FIG4: variants seen among roughly 807,000 people sequenced by gnomAD.
The protein encoded by FIG4 is polyphosphoinositide phosphatase.
Under a neutral mutation model 118.6 loss-of-function variants are expected in FIG4, and 112 were observed. That is an observed-to-expected ratio of 0.94 (90% CI 0.81 to 1.11). The LOEUF (loss-of-function observed/expected upper bound fraction) is 1.11. Among genes scored for constraint, FIG4 ranks in the 50% least tolerant of loss-of-function variants. The pLI, the probability that FIG4 is intolerant of heterozygous loss-of-function variation, is 0.00. For missense variants in FIG4, 969 were observed against 1,111.7 expected, an observed-to-expected ratio of 0.87 and a Z score of 1.83; for synonymous variants, 369 against 381.2, an observed-to-expected ratio of 0.97 and a Z score of 0.37.
intron 22 of FIG4, among the ~76,000 whole-genome samples, chr6:109,815,217 C>T (rs990560152): frequency 4.6e-5 from 7 of 152,014 alleles, no homozygotes; most frequent in African/African-American, 1.7e-4. Context: ...ACTGCATCCA[C>T]CCCTTCCCAG....
intron 1 of FIG4, among the ~76,000 whole-genome samples, chr6:109,696,343 A>G (rs1279670873): frequency 6.6e-6 from 1 of 152,230 alleles, no homozygotes; most frequent in East Asian, 1.9e-4. Context: ...TGAAATCCAT[A>G]GCTTTTTTAT....
chr6:109,798,944 A>G (rs992487479), intron 22 of FIG4, among the ~76,000 whole-genome samples: 7 of 152,184 alleles, frequency 4.6e-5, no homozygotes, highest in Admixed American at 2.6e-4. Context: ...GAAGGAAACT[A>G]TTTAAATGTG....
At chr6:109,694,262 C>T (rs1774639614) in intron 1 of FIG4, among the ~76,000 whole-genome samples, 1 of 152,158 alleles carries the variant, frequency 6.6e-6, no homozygotes, top group East Asian at 1.9e-4. Context: ...ATATAAATAA[C>T]TCCCACAAGC....
intron 17 of FIG4, chr6:109,785,862 A>C (rs1367630854): frequency 2.8e-6 from 1 of 358,858 alleles, no homozygotes. Context: ...ATCATTACTC[A>C]TATTGCTGAA....
chr6:109,749,055 C>CTGTG (rs113357544), intron 10 of FIG4, among the ~76,000 whole-genome samples: 12,313 of 132,324 alleles, frequency 0.093, 631 homozygotes, highest in South Asian at 0.16. Flanking sequence ...CAAAGGAGCT[C>CTGTG]TGTGTGTGTG....
intron 22 of FIG4, among the ~76,000 whole-genome samples, chr6:109,817,994 T>C (rs1156990587): frequency 1.3e-5 from 2 of 152,216 alleles, no homozygotes; most frequent in Admixed American, 6.5e-5. Flanking sequence ...CTTCCACAAA[T>C]GACTCCCAAA....
Position 109,735,298 on chromosome 6 carries a change from G to T in FIG4, c.646G>T (p.Gly216Trp). 6.2e-7 allele frequency: 1 copy of T among 1,612,566 alleles called. No individual in the cohort carries two copies. The highest frequency in any genetic ancestry group is 8.5e-7 in the Non-Finnish European group (1 of 1,178,870). ...DEGLITQGGS[G>W]VFGICSEPYM... is the part of the protein sequence containing the mutation. ...AGGATTAATTACACAAGGTGGAAGC[G>T]GTAGGTGGTCTTGATATATCTAATG... Residue 216 changes from glycine to tryptophan, a missense_variant and splice_region_variant, in exon 6 of 23, where the codon GGG (glycine) becomes TGG (tryptophan). Gly to Trp is a radical substitution (Grantham distance 184). Around this residue, in one of 3 missense-constraint regions of FIG4, gnomAD observed 393 missense variants for 409.4 expected, o/e 0.96. Transcript: ENST00000230124.
chr6:109,822,903 AGT>A (rs1182426146), intron 22 of FIG4, among the ~76,000 whole-genome samples: 2 of 149,074 alleles, frequency 1.3e-5, no homozygotes, highest in Non-Finnish European at 3.0e-5. Context: ...ATATATATAT[AGT>A]GTGTGTGTAT....
At position 109,755,729 on chromosome 6, in the gene FIG4, A is replaced by G. The variant is rs535830138; in HGVS notation, c.1138-4521A>G. On this transcript the variant is annotated intron_variant, in intron 10 of 22. Coordinates refer to ENST00000230124, the MANE Select transcript of FIG4 (RefSeq NM_014845.6). ...CTCTTTTGATCTTTGTTGGTTTCAA[A>G]TCTGTTTTATCAGAGACTAGGATTG... 4.2e-3 allele frequency among the ~76,000 whole-genome samples: 636 copies of G among 152,162 alleles called. 2 individuals carry two copies. The highest frequency in any genetic ancestry group is 6.2e-3 in the Non-Finnish European group (421 of 67,980).
At chr6:109,806,805 GT>G (rs556689837) in intron 22 of FIG4, among the ~76,000 whole-genome samples, 1 of 151,904 alleles carries the variant, frequency 6.6e-6, no homozygotes, top group Non-Finnish European at 1.5e-5. Flanking sequence ...CCCTCCCTGT[GT>G]CCATGTGTTC....
intron 1 of FIG4, among the ~76,000 whole-genome samples, chr6:109,710,753 A>G (rs1469161085): frequency 2.0e-5 from 3 of 152,184 alleles, no homozygotes; most frequent in Non-Finnish European, 4.4e-5. Context: ...TAGATTTTCT[A>G]GTGTATGTGA....
chr6:109,756,583 C>T (rs373898737), intron 10 of FIG4, among the ~76,000 whole-genome samples: 15 of 152,258 alleles, frequency 9.9e-5, no homozygotes, highest in East Asian at 7.7e-4. Flanking sequence ...CCAATCAGAG[C>T]AGATTTGGTC....
intron 15 of FIG4, among the ~76,000 whole-genome samples, chr6:109,769,144 A>C (rs9374120): frequency 0.8 from 119,530 of 149,966 alleles, 47,828 homozygotes; most frequent in African/African-American, 0.89. Context: ...CGCTCTGTCT[A>C]CAGGCTGGAG....
chr6:109,695,601 G>C (rs72941176), intron 1 of FIG4, among the ~76,000 whole-genome samples: 304 of 99,178 alleles, frequency 3.1e-3, no homozygotes, highest in African/African-American at 9.6e-3. Context: ...CACACACACA[G>C]ACACACACAC....
intron 3 of FIG4, among the ~76,000 whole-genome samples, chr6:109,722,796 C>T (rs940560600): frequency 1.2e-4 from 19 of 152,078 alleles, no homozygotes; most frequent in South Asian, 8.3e-4. Context: ...CCCTGTGAGT[C>T]GGTGCTTGGT....
chr6:109,693,864 A>T (rs1379663071), intron 1 of FIG4, among the ~76,000 whole-genome samples: 1 of 146,676 alleles, frequency 6.8e-6, no homozygotes, highest in Non-Finnish European at 1.5e-5. Context: ...TTGTTAAATA[A>T]TTTTTTTTTT....
At chr6:109,744,016 G>C (rs141996062) in intron 10 of FIG4, among the ~76,000 whole-genome samples, 1 of 152,058 alleles carries the variant, frequency 6.6e-6, no homozygotes, top group African/African-American at 2.4e-5. Context: ...GAGTGATTCA[G>C]TATATCAGGA....
rs1403784951 is a variant in FIG4, at chr6:109,714,650, A to C, written c.67-428A>C. 2.6e-5 allele frequency among the ~76,000 whole-genome samples: 4 copies of C among 152,196 alleles called. No individual in the cohort carries two copies. In the East Asian group the frequency reaches 7.7e-4, roughly 29 times the overall value. On this transcript the variant is annotated intron_variant, in intron 1 of 22. Coordinates refer to ENST00000230124, the MANE Select transcript of FIG4 (RefSeq NM_014845.6). ...TAAAGACATTTGCAGACATTTATGAAAATTTGTAAGTAGTTTTTTGATAAG... is the reference window on the plus strand; with the variant it reads ...TAAAGACATTTGCAGACATTTATGACAATTTGTAAGTAGTTTTTTGATAAG...
chr6:109,741,438 T>C lies in FIG4; in HGVS notation c.776-6T>C. On this transcript the variant is annotated splice_polypyrimidine_tract_variant and splice_region_variant and intron_variant, in intron 7 of 22. Coordinates refer to ENST00000230124, the MANE Select transcript of FIG4 (RefSeq NM_014845.6). ...AATGCTAAACAACCTTAACTTGATT[T>C]CCAAGAGCTGTTGATCTATGGACGA... 1 of 1,593,422 alleles carries C rather than the reference T, an allele frequency of 6.3e-7. No individual in the cohort carries two copies. The highest frequency in any genetic ancestry group is 8.6e-7 in the Non-Finnish European group (1 of 1,161,348).
Sources: gnomAD v4.1 joint callset for allele counts (sites outside exome capture counted in the v4.1 genomes callset) on GRCh38, gnomAD v4.1.1 for gene constraint, gnomAD v4.1.1 regional missense constraint, MANE v1.5 for transcripts, NCBI Gene and HGNC (gene_info 2026-07-23, HGNC 2026-07-21) for gene names.